The following KIAA2012 variants were observed in gnomAD, a reference collection of about 807,000 sequenced individuals.
KIAA2012 encodes KIAA2012.
KIAA2012 carries 125 observed loss-of-function variants against 150.6 expected under a neutral mutation model. That is an observed-to-expected ratio of 0.83 (90% CI 0.72 to 0.96). The LOEUF is 0.96. Ranked by LOEUF, KIAA2012 falls within the 40% of genes least tolerant of loss-of-function variation. KIAA2012 has a pLI of 0.00. For missense variants in KIAA2012, 1,219 were observed against 1,354.9 expected (o/e 0.90, Z 1.57); for synonymous variants, 462 against 504.7 (o/e 0.92, Z 1.13).
chr2:202,158,658 A>C (rs1338691306), intron 14 of KIAA2012, among the ~76,000 whole-genome samples: 1 of 152,224 alleles, frequency 6.6e-6, no homozygotes, highest in Non-Finnish European at 1.5e-5. Flanking sequence ...CACTGCACCC[A>C]GCTGAGACCA....
In KIAA2012 at chr2:202,184,409, A is replaced by T. The variant is rs539614934; in HGVS notation, c.2120-344A>T. 3.3e-5 allele frequency among the ~76,000 whole-genome samples: 5 copies of T among 151,962 alleles called. No homozygotes were observed. The East Asian group carries it at 9.6e-4, about 29-fold the overall frequency. On this transcript the variant is annotated intron_variant, in intron 15 of 23. Coordinates refer to ENST00000498697, the MANE Select transcript of KIAA2012 (RefSeq NM_001277372.4). The stretch of plus-strand genomic sequence containing the variant: ...AAAAAAAAAAAAAAAAAGTAATGTA[A>T]TAAGAAGTAAGTTGGTACAAAAGCT...
At chr2:202,113,748 T>G in intron 11 of KIAA2012, 1 of 285,138 alleles carries the variant, frequency 3.5e-6, no homozygotes, top group Non-Finnish European at 6.6e-6. Flanking sequence ...CTTTTGGTAT[T>G]TGCCCAAACT....
At chr2:202,197,160 G>A in intron 22 of KIAA2012, 141 bp downstream of exon 22, 1 of 1,267,078 alleles carries the variant, frequency 7.9e-7, no homozygotes, top group Non-Finnish European at 1.1e-6. Context: ...GAAAGGCATA[G>A]AGGGATTCTT....
At position 202,100,321 on chromosome 2, in the gene KIAA2012, G is replaced by A. The variant is rs775173764; in HGVS notation, c.1027G>A (p.Val343Met). ...TGTTTTTAAAGATAAACAAAGGAAC[G>A]TGAAACTCCACAAGGCCAGAAGCAG... is the stretch of plus-strand genomic sequence containing the variant. ...KADLSDKQRN[V>M]KLHKARSSHL... The change falls in exon 7 of 24, where the codon GTG (valine) becomes ATG (methionine). Residue 343 changes from valine (V) to methionine (M), a missense_variant. Coordinates refer to ENST00000498697, the MANE Select transcript of KIAA2012 (RefSeq NM_001277372.4). The A allele has an allele frequency of 7.9e-5, 122 of 1,550,322 alleles. No homozygotes were observed. The highest frequency in any genetic ancestry group is 3.5e-4 in the South Asian group (29 of 84,034).
At chr2:202,196,701 C>A in intron 21 of KIAA2012, 99 bp from the exon 22 acceptor site, 1 of 1,459,214 alleles carries the variant, frequency 6.9e-7, no homozygotes, top group Non-Finnish European at 9.1e-7. Context: ...AAATTTCTCA[C>A]GGGGAGTCCT....
intron 11 of KIAA2012, among the ~76,000 whole-genome samples, chr2:202,117,382 G>T (rs191978917): frequency 4.8e-4 from 73 of 152,330 alleles, no homozygotes; most frequent in African/African-American, 1.7e-3. Flanking sequence ...TGATAAGTTG[G>T]TTGTGGGACC....
intron 13 of KIAA2012, among the ~76,000 whole-genome samples, chr2:202,148,827 C>G (rs1186592314): frequency 6.6e-6 from 1 of 152,146 alleles, no homozygotes; most frequent in East Asian, 1.9e-4. Flanking sequence ...TTGCCACAGA[C>G]AGAGTGCCCT....
intron 14 of KIAA2012, among the ~76,000 whole-genome samples, chr2:202,156,198 C>G (rs1691521037): frequency 6.6e-6 from 1 of 151,760 alleles, no homozygotes; most frequent in Non-Finnish European, 1.5e-5. Context: ...TAGTGAGACC[C>G]CATCTCTATA....
At chr2:202,105,287 A>AAGGGAAGGG (rs1690155710) in intron 8 of KIAA2012, among the ~76,000 whole-genome samples, 1 of 151,812 alleles carries the variant, frequency 6.6e-6, no homozygotes, top group African/African-American at 2.4e-5. Flanking sequence ...GAAGGGAAGG[A>AAGGGAAGGG]AGGAAGGAAG....
At chr2:202,183,636 A>C (rs1205895373) in intron 15 of KIAA2012, among the ~76,000 whole-genome samples, 3 of 151,832 alleles carry the variant, frequency 2.0e-5, no homozygotes, top group Non-Finnish European at 4.4e-5. Flanking sequence ...CCCGAGTAGC[A>C]GGGATCACAG....
intron 11 of KIAA2012, among the ~76,000 whole-genome samples, chr2:202,123,643 C>T (rs1690708750): frequency 6.6e-6 from 1 of 152,102 alleles, no homozygotes; most frequent in African/African-American, 2.4e-5. Context: ...TCTTTCTTGG[C>T]ATCCTCTCTA....
At chr2:202,107,772 G>T (rs1003558400) in intron 9 of KIAA2012, among the ~76,000 whole-genome samples, 14 of 152,182 alleles carry the variant, frequency 9.2e-5, no homozygotes, top group African/African-American at 3.1e-4. Flanking sequence ...CACTTCGGGA[G>T]GCCAAGGCGG....
intron 13 of KIAA2012, among the ~76,000 whole-genome samples, chr2:202,139,370 G>T (rs1221426072): frequency 6.6e-6 from 1 of 152,100 alleles, no homozygotes; most frequent in Non-Finnish European, 1.5e-5. Context: ...CAACTCAGGG[G>T]AATTCCTAGA....
chr2:202,091,943 T>G (rs936317622), intron 3 of KIAA2012, among the ~76,000 whole-genome samples: 1 of 152,198 alleles, frequency 6.6e-6, no homozygotes, highest in Non-Finnish European at 1.5e-5. Context: ...GTCATTGGTT[T>G]TACTCTCAGG....
At chr2:202,098,079 G>A (rs1156733773) in intron 5 of KIAA2012, among the ~76,000 whole-genome samples, 1 of 152,206 alleles carries the variant, frequency 6.6e-6, no homozygotes, top group Non-Finnish European at 1.5e-5. Flanking sequence ...CAAAGTTTTG[G>A]CTGGGTGTGG....
chr2:202,178,375 T>G (rs1692040511), intron 15 of KIAA2012, among the ~76,000 whole-genome samples: 1 of 152,196 alleles, frequency 6.6e-6, no homozygotes, highest in Non-Finnish European at 1.5e-5. Context: ...AGCACTGACT[T>G]CGTTTGTTCC....
At chr2:202,150,490 C>T (rs866859648) in intron 13 of KIAA2012, among the ~76,000 whole-genome samples, 7 of 151,698 alleles carry the variant, frequency 4.6e-5, no homozygotes, top group African/African-American at 7.2e-5. Flanking sequence ...GCTCTGTCGC[C>T]GAGGCTGGAG....
At chr2:202,077,479 G>A (rs1013617786) in intron 2 of KIAA2012, among the ~76,000 whole-genome samples, 1 of 152,132 alleles carries the variant, frequency 6.6e-6, no homozygotes, top group Non-Finnish European at 1.5e-5. Flanking sequence ...ATCTTCCTGT[G>A]GCATCCATCT....
intron 11 of KIAA2012, among the ~76,000 whole-genome samples, chr2:202,119,752 C>T (rs1690615463): frequency 6.6e-6 from 1 of 152,094 alleles, no homozygotes; most frequent in African/African-American, 2.4e-5. Context: ...CCTATAATCC[C>T]AGCACTTTGG....
Sources: gnomAD v4.1 joint callset for allele counts (sites outside exome capture counted in the v4.1 genomes callset) on GRCh38, gnomAD v4.1.1 for gene constraint, MANE v1.5 for transcripts, NCBI Gene and HGNC (gene_info 2026-07-23, HGNC 2026-07-21) for gene names.